Variants in DIAPH2 observed in about 807,000 individuals in gnomAD.
DIAPH2 encodes the protein diaphanous related formin 2.
In DIAPH2, 35 loss-of-function variants were observed where a neutral mutation model predicts 92.7. That is an observed-to-expected ratio of 0.38 (90% confidence interval 0.29 to 0.50). The LOEUF (loss-of-function observed/expected upper bound fraction) is 0.50. Ranked by LOEUF, DIAPH2 falls within the 20% of genes least tolerant of loss-of-function variation. The probability of loss-of-function intolerance (pLI) is 0.94; values close to 1 mark genes in which losing one functional copy is unlikely to be tolerated. For missense variants in DIAPH2, 701 were observed against 819.5 expected, an observed-to-expected ratio of 0.86 and a Z score of 1.77; for synonymous variants, 301 against 280.4, an observed-to-expected ratio of 1.07 and a Z score of -0.73.
intron 22 of DIAPH2, among the ~76,000 whole-genome samples, chrX:97,240,359 C>T (rs2068083258): frequency 9.0e-6 from 1 of 111,379 alleles, no homozygotes; most frequent in South Asian, 3.8e-4. Context: ...GTAATCCCAG[C>T]ACTTTGGGAG....
rs762691749 is a variant in DIAPH2 at position 96,958,001 on chromosome X, A to G, written c.1788A>G (p.Pro596=). 15 of 1,207,471 alleles carry G rather than the reference A, an allele frequency of 1.2e-5. No homozygotes were observed. The highest frequency in any genetic ancestry group is 4.4e-5 in the Admixed American group (2 of 45,543). Reference sequence around the variant, plus strand: ...TGGGGATACCACCACCACCCCCACCACCACTTTTATTTGGGGGACCTCCTC... The same window carrying G: ...TGGGGATACCACCACCACCCCCACCGCCACTTTTATTTGGGGGACCTCCTC... ...GMMGIPPPPP[P]PLLFGGPPPP... is the part of the protein sequence containing the mutation. Residue 596 remains proline (P), a synonymous_variant, in exon 16 of 27, where the codon CCA becomes CCG. Transcript: ENST00000324765.
At chrX:97,043,711 A>T (rs1384851350) in intron 17 of DIAPH2, among the ~76,000 whole-genome samples, 2 of 111,692 alleles carry the variant, frequency 1.8e-5, no homozygotes, top group African/African-American at 6.5e-5. Flanking sequence ...TAAAAAAAGA[A>T]AAAATATATA....
At chrX:97,298,820 G>A (rs991097103) in intron 23 of DIAPH2, among the ~76,000 whole-genome samples, 3 of 109,569 alleles carry the variant, frequency 2.7e-5, no homozygotes, top group South Asian at 3.9e-4. Flanking sequence ...GGGTTTCACC[G>A]TGTCAGCCTG....
At chrX:96,743,110 T>G (rs1381269932) in intron 3 of DIAPH2, among the ~76,000 whole-genome samples, 1 of 112,700 alleles carries the variant, frequency 8.9e-6, no homozygotes, top group Non-Finnish European at 1.9e-5. Flanking sequence ...TAAAAAAGGA[T>G]TTGCTTGTTG....
At chrX:97,552,679 A>G (rs149729035) in intron 26 of DIAPH2, among the ~76,000 whole-genome samples, 1,473 of 111,077 alleles carry the variant, frequency 0.013, 24 homozygotes, top group African/African-American at 0.046. Context: ...ATAGAAAAGC[A>G]ATATATGTGT....
In DIAPH2 at chrX:97,604,801, G is replaced by C. The variant is rs748046844; in HGVS notation, c.*5484G>C. On this transcript the variant is annotated 3_prime_UTR_variant, in exon 27 of 27. Transcript: ENST00000324765. The stretch of plus-strand genomic sequence containing the variant: ...AAAGGGAGAGGTGAAAGCAAAGACT[G>C]CTTTGAATGGGTATTGAGGGAGATT... The C allele has an allele frequency of 8.9e-6, 1 of 111,744 alleles. No homozygotes were observed. Among genetic ancestry groups the C allele is most frequent in the Non-Finnish European group, 1.9e-5 (1 of 53,159 alleles). 9.2% of individuals were successfully genotyped at this position (111,744 alleles called of 1,213,427 possible).
At chrX:97,414,546 A>T (rs914297066) in intron 25 of DIAPH2, among the ~76,000 whole-genome samples, 4 of 107,150 alleles carry the variant, frequency 3.7e-5, no homozygotes, top group Non-Finnish European at 7.7e-5. Flanking sequence ...GCTACTTGGG[A>T]GGCTGAGGCA....
intron 3 of DIAPH2, among the ~76,000 whole-genome samples, chrX:96,752,329 C>T (rs769013250): frequency 9.8e-5 from 11 of 111,849 alleles, no homozygotes; most frequent in Non-Finnish European, 1.9e-4. Flanking sequence ...GATTCTAAAG[C>T]AAGTTAATAT....
In DIAPH2 at chrX:97,260,676, C is replaced by G. The variant is rs531257862; in HGVS notation, c.2844+12837C>G. On this transcript the variant is annotated intron_variant, in intron 23 of 26. Coordinates refer to ENST00000324765, the MANE Select transcript of DIAPH2 (RefSeq NM_006729.5). ...AAAAACCCTCTTAACTTTTCTCCCC[C>G]AAAAGTTGCTTTTTTACTATTGGCT... is the stretch of plus-strand genomic sequence containing the variant. Among the ~76,000 whole-genome samples the G allele has an allele frequency of 2.7e-5, 3 of 111,959 alleles. No individual in the cohort carries two copies. In the South Asian group the frequency reaches 1.1e-3, roughly 41 times the overall value.
chrX:97,049,452 A>G (rs1272081031), intron 17 of DIAPH2, among the ~76,000 whole-genome samples: 2 of 111,151 alleles, frequency 1.8e-5, no homozygotes, highest in Non-Finnish European at 3.8e-5. Context: ...AGTAGCTTCA[A>G]TCATCTGCTA....
intron 23 of DIAPH2, chrX:97,341,406 T>C (rs1225855122): frequency 8.1e-5 from 9 of 111,065 alleles, no homozygotes; most frequent in African/African-American, 2.9e-4. Context: ...TTCTCTAATA[T>C]AGGAGATAAA....
intron 26 of DIAPH2, among the ~76,000 whole-genome samples, chrX:97,479,651 A>G (rs1331521867): frequency 4.5e-5 from 5 of 112,264 alleles, no homozygotes; most frequent in Non-Finnish European, 9.4e-5. Flanking sequence ...CTATAAAATG[A>G]ATGGTTTAGA....
chrX:96,933,573 T>C (rs1472559415), intron 10 of DIAPH2, among the ~76,000 whole-genome samples: 1 of 104,457 alleles, frequency 9.6e-6, no homozygotes, highest in East Asian at 2.9e-4. Context: ...TATATATATA[T>C]ATTTATATAT....
chrX:97,300,955 AAAAAAAAAAAG>A (rs1490328797), intron 23 of DIAPH2, among the ~76,000 whole-genome samples: 28 of 63,733 alleles, frequency 4.4e-4, no homozygotes, highest in East Asian at 1.3e-3. Context: ...AAAAAAAAAA[AAAAAAAAAAAG>A]AAGAAGAAGA....
chrX:97,062,460 A>G (rs2066605528), intron 17 of DIAPH2, among the ~76,000 whole-genome samples: 1 of 111,310 alleles, frequency 9.0e-6, no homozygotes, highest in Non-Finnish European at 1.9e-5. Flanking sequence ...ATGCTAATTC[A>G]GTAGGTATGA....
chrX:97,050,379 G>C (rs1270756359), intron 17 of DIAPH2, among the ~76,000 whole-genome samples: 1 of 109,902 alleles, frequency 9.1e-6, no homozygotes, highest in Admixed American at 9.7e-5. Context: ...GAATAATCAT[G>C]TATTCTCACT....
At chrX:96,747,300 A>G (rs2064156689) in intron 3 of DIAPH2, among the ~76,000 whole-genome samples, 1 of 112,200 alleles carries the variant, frequency 8.9e-6, no homozygotes, top group East Asian at 2.8e-4. Context: ...GGCAACATAT[A>G]GATACGTCAA....
Position 96,822,156 on chromosome X carries a change from G to C in DIAPH2, c.448-59423G>C, listed in dbSNP as rs750150345. 3.7e-3 allele frequency among the ~76,000 whole-genome samples: 408 copies of C among 110,556 alleles called. 1 individual carries two copies. The highest frequency in any genetic ancestry group is 5.9e-3 in the Non-Finnish European group (312 of 52,809). ...TAAAGTACAGTTAAGTCCTATGAAA[G>C]ATGAGAATCTTATAGACCTTCTGGC... On this transcript the variant is annotated intron_variant, in intron 4 of 26. Transcript: ENST00000324765.
chrX:97,484,680 C>T (rs1020527630), intron 26 of DIAPH2, among the ~76,000 whole-genome samples: 2 of 111,655 alleles, frequency 1.8e-5, no homozygotes, highest in Admixed American at 1.9e-4. Context: ...GGGCAGATCA[C>T]GATGTCAGGA....
Sources: gnomAD v4.1 joint callset for allele counts (sites outside exome capture counted in the v4.1 genomes callset) on GRCh38, gnomAD v4.1.1 for gene constraint, MANE v1.5 for transcripts, NCBI Gene and HGNC (gene_info 2026-07-23, HGNC 2026-07-21) for gene names.